The following SCAF8 variants were observed in gnomAD, a reference collection of about 807,000 sequenced individuals.
SCAF8 encodes the protein SR-related CTD associated factor 8, also known as SR-related and CTD-associated factor 8.
Under a neutral mutation model 140.5 loss-of-function variants are expected in SCAF8, and 23 were observed. The observed-to-expected ratio is 0.16, with a 90% confidence interval of 0.12 to 0.23. The LOEUF (loss-of-function observed/expected upper bound fraction) is 0.23. Among genes scored for constraint, SCAF8 ranks in the 10% least tolerant of loss-of-function variants. The probability of loss-of-function intolerance (pLI) is 1.00; values close to 1 mark genes in which losing one functional copy is unlikely to be tolerated. For synonymous variants in SCAF8, 575 were observed against 528.9 expected, an observed-to-expected ratio of 1.09 and a Z score of -1.20; for missense variants, 1,397 against 1,555.7, an observed-to-expected ratio of 0.90 and a Z score of 1.72.
chr6:154,818,644 CTGTT>C (rs1256055749), intron 14 of SCAF8, 52 bp downstream of exon 14: 1 of 857,036 alleles, frequency 1.2e-6, no homozygotes, highest in East Asian at 2.5e-5. Flanking sequence ...TTTTTAATGT[CTGTT>C]ATGTTAAAGT....
intron 1 of SCAF8, among the ~76,000 whole-genome samples, chr6:154,735,645 C>T (rs1778396596): frequency 1.3e-5 from 2 of 151,322 alleles, no homozygotes; most frequent in Admixed American, 1.3e-4. Context: ...TCCCGAGTAG[C>T]TGGGATTACA....
intron 3 of SCAF8, among the ~76,000 whole-genome samples, chr6:154,784,604 C>T (rs1024632470): frequency 6.6e-6 from 1 of 152,112 alleles, no homozygotes; most frequent in African/African-American, 2.4e-5. Context: ...TTCCTATACA[C>T]TGAGTAGAAT....
intron 2 of SCAF8, among the ~76,000 whole-genome samples, chr6:154,776,092 C>G (rs1450348324): frequency 6.6e-6 from 1 of 151,966 alleles, no homozygotes; most frequent in Non-Finnish European, 1.5e-5. Context: ...AGAGTTCATC[C>G]TTAACATTTT....
At position 154,831,912 on chromosome 6, in the gene SCAF8, G is replaced by GT. The variant is rs755752352; in HGVS notation, c.2360-21dup. On this transcript the variant is annotated intron_variant, in intron 19 of 19. Coordinates refer to ENST00000367178, the MANE Select transcript of SCAF8 (RefSeq NM_014892.5). The stretch of plus-strand genomic sequence containing the variant: ...TGGAAACTTTTGACTGTTATTTTGA[G>GT]TTTTTTCTCTCTCTCTTTTTTTTTA... The GT allele has an allele frequency of 2.3e-5, 35 of 1,554,144 alleles. No homozygotes were observed. In the South Asian group the frequency reaches 3.8e-4, roughly 17 times the overall value.
chr6:154,792,218 T>C (rs558464232), intron 4 of SCAF8, among the ~76,000 whole-genome samples: 2 of 152,306 alleles, frequency 1.3e-5, no homozygotes, highest in Admixed American at 1.3e-4. Flanking sequence ...CTTCAGATTC[T>C]GTCTGTACAG....
chr6:154,832,461 C>T lies in SCAF8; in HGVS notation c.2882C>T (p.Ala961Val). 1.2e-6 allele frequency: 2 copies of T among 1,614,120 alleles called. No individual in the cohort carries two copies. The highest frequency in any genetic ancestry group is 1.7e-6 in the Non-Finnish European group (2 of 1,179,988). ...CCACCCCCATCGGTACTTGATTCAG[C>T]TCTTCATCCACCACCCCGTGGACCT... Reference protein sequence around the residue: ...GIPPPSVLDSALHPPPRGPFP... With the variant: ...GIPPPSVLDSVLHPPPRGPFP... Residue 961 changes from alanine (A) to valine (V), a missense_variant, in exon 20 of 20, where the codon GCT (alanine) becomes GTT (valine). By Grantham distance (64) the Ala-to-Val change is moderately conservative. This residue lies in a region of SCAF8 where 930 missense variants were observed against 874.6 expected (regional missense o/e 1.06). Transcript: ENST00000367178.
At chr6:154,825,961 C>T (rs1778555148) in intron 17 of SCAF8, among the ~76,000 whole-genome samples, 1 of 151,852 alleles carries the variant, frequency 6.6e-6, no homozygotes, top group African/African-American at 2.4e-5. Flanking sequence ...ATAGTTTTTC[C>T]AAATTAAAAT....
intron 4 of SCAF8, 82 bp from the exon 5 acceptor site, chr6:154,792,741 G>C (rs1250178962): frequency 2.2e-6 from 2 of 898,864 alleles, no homozygotes; most frequent in Non-Finnish European, 3.3e-6. Flanking sequence ...TTTCCATCCA[G>C]GGCCCAGATA....
At chr6:154,830,297 G>C (rs1364594791) in intron 18 of SCAF8, among the ~76,000 whole-genome samples, 1 of 152,124 alleles carries the variant, frequency 6.6e-6, no homozygotes, top group Non-Finnish European at 1.5e-5. Flanking sequence ...TGATTTTACG[G>C]CATTCTAAGT....
chr6:154,775,976 A>G (rs1050297709), intron 2 of SCAF8, among the ~76,000 whole-genome samples: 13 of 152,070 alleles, frequency 8.5e-5, no homozygotes, highest in African/African-American at 2.4e-4. Context: ...TTAATCCTTG[A>G]TACATACTTG....
chr6:154,739,553 TA>T (rs768110011), intron 1 of SCAF8, among the ~76,000 whole-genome samples: 6 of 152,192 alleles, frequency 3.9e-5, no homozygotes, highest in Non-Finnish European at 7.3e-5. Context: ...GTCAGAATAA[TA>T]ATTTCAGTTT....
chr6:154,760,951 TTTTTTTC>T (rs1039234813), intron 1 of SCAF8, among the ~76,000 whole-genome samples: 67 of 152,032 alleles, frequency 4.4e-4, no homozygotes, highest in African/African-American at 1.3e-3. Context: ...GTCCCATTGA[TTTTTTTC>T]TTTTTTCTTT....
intron 1 of SCAF8, among the ~76,000 whole-genome samples, chr6:154,773,202 A>G (rs1020263710): frequency 6.6e-6 from 1 of 152,186 alleles, no homozygotes; most frequent in Non-Finnish European, 1.5e-5. Context: ...GAAACACTCT[A>G]CTCATCAGCA....
intron 8 of SCAF8, among the ~76,000 whole-genome samples, chr6:154,804,983 GT>G (rs1287297312): frequency 6.6e-6 from 1 of 152,066 alleles, no homozygotes; most frequent in Non-Finnish European, 1.5e-5. Flanking sequence ...TTGATAGACT[GT>G]TTTTCTATCT....
intron 14 of SCAF8, 65 bp downstream of exon 14, chr6:154,818,657 G>A (rs1778324586): frequency 2.8e-6 from 2 of 718,372 alleles, no homozygotes; most frequent in East Asian, 2.7e-5. Flanking sequence ...TTATGTTAAA[G>A]TCTGAGTTTT....
chr6:154,812,836 G>A (rs548213878), intron 12 of SCAF8, among the ~76,000 whole-genome samples: 1 of 152,080 alleles, frequency 6.6e-6, no homozygotes, highest in African/African-American at 2.4e-5. Context: ...TATTGAAAGA[G>A]ATGGGAAATA....
chr6:154,773,919 A>G, intron 1 of SCAF8, 70 bp from the exon 2 acceptor site: 2 of 951,934 alleles, frequency 2.1e-6, no homozygotes, highest in Non-Finnish European at 3.4e-6. Context: ...ATAAAAATGA[A>G]CATGTTTGGT....
chr6:154,814,218 G>A (rs533582055), intron 12 of SCAF8, among the ~76,000 whole-genome samples: 14 of 152,264 alleles, frequency 9.2e-5, no homozygotes, highest in Admixed American at 2.6e-4. Context: ...CCAGTTACTC[G>A]CGAGGCTGAG....
intron 5 of SCAF8, among the ~76,000 whole-genome samples, chr6:154,794,006 C>T (rs1266184228): frequency 2.0e-5 from 3 of 151,788 alleles, no homozygotes; most frequent in East Asian, 1.9e-4. Context: ...ACTGCAGCCT[C>T]GACCTCCTGG....
Sources: gnomAD v4.1 joint callset for allele counts (sites outside exome capture counted in the v4.1 genomes callset) on GRCh38, gnomAD v4.1.1 for gene constraint, gnomAD v4.1.1 regional missense constraint, MANE v1.5 for transcripts, NCBI Gene and HGNC (gene_info 2026-07-23, HGNC 2026-07-21) for gene names.